MAST4: variants seen among roughly 807,000 people sequenced by gnomAD.
MAST4 encodes microtubule-associated serine/threonine-protein kinase 4.
A neutral mutation model predicts 162.7 loss-of-function variants in MAST4; 89 were observed. The observed-to-expected ratio is 0.55, with a 90% confidence interval of 0.46 to 0.65. MAST4 has a LOEUF of 0.65. MAST4 is among the 30% of genes least tolerant of loss of function. MAST4 has a pLI of 0.00. For missense variants in MAST4, 3,153 were observed against 3,374.0 expected, an observed-to-expected ratio of 0.93 and a Z score of 1.62; for synonymous variants, 1,479 against 1,361.1, an observed-to-expected ratio of 1.09 and a Z score of -1.91.
rs181026545 is a variant in MAST4, at chr5:66,899,280, G to A, written c.643-671G>A. Among the ~76,000 whole-genome samples, 96 of 152,220 alleles carry A rather than the reference G, an allele frequency of 6.3e-4. 2 individuals carry two copies. The East Asian group carries it at 0.016, about 25-fold the overall frequency. ...CCACAGCCTCTTGATGATTAGGTAG[G>A]TAAGAATCTTAAAATTGAGATAAGT... On this transcript the variant is annotated intron_variant, in intron 3 of 28. Coordinates refer to ENST00000403625, the MANE Select transcript of MAST4 (RefSeq NM_001164664.2).
At chr5:66,932,742 C>T (rs1342080445) in intron 4 of MAST4, among the ~76,000 whole-genome samples, 4 of 152,166 alleles carry the variant, frequency 2.6e-5, no homozygotes. Context: ...TTGACATCTA[C>T]TTAAGCTATG....
chr5:66,938,681 T>A (rs376420644), intron 4 of MAST4, among the ~76,000 whole-genome samples: 7 of 152,324 alleles, frequency 4.6e-5, no homozygotes, highest in African/African-American at 1.7e-4. Flanking sequence ...ATTCTCTATC[T>A]GCCTATATGA....
chr5:66,651,192 G>T (rs533774259), intron 1 of MAST4, among the ~76,000 whole-genome samples: 28 of 147,756 alleles, frequency 1.9e-4, no homozygotes, highest in African/African-American at 6.5e-4. Context: ...TTTTTTTTTT[G>T]AAAAAAGTAC....
chr5:66,837,894 A>ATTTTTT (rs754095073), intron 3 of MAST4, among the ~76,000 whole-genome samples: 4 of 53,706 alleles, frequency 7.4e-5, no homozygotes, highest in East Asian at 8.0e-4. Context: ...ATATATATAT[A>ATTTTTT]TTTTTTTTTT....
chr5:67,078,930 A>AT (rs1451010288), intron 5 of MAST4, among the ~76,000 whole-genome samples: 1 of 63,134 alleles, frequency 1.6e-5, no homozygotes, highest in Non-Finnish European at 2.8e-5. Context: ...ATATATATAT[A>AT]TATATATATA....
chr5:67,004,267 G>A (rs1468722723), intron 4 of MAST4, among the ~76,000 whole-genome samples: 1 of 152,096 alleles, frequency 6.6e-6, no homozygotes, highest in Non-Finnish European at 1.5e-5. Flanking sequence ...GGCTGGTGGG[G>A]GGTGGGGGAT....
At chr5:66,924,533 A>C (rs1311454241) in intron 4 of MAST4, among the ~76,000 whole-genome samples, 1 of 151,820 alleles carries the variant, frequency 6.6e-6, no homozygotes, top group East Asian at 1.9e-4. Context: ...AGCTGGGACT[A>C]TAGGCGTCCG....
At chr5:66,949,406 T>G (rs1744406687) in intron 4 of MAST4, among the ~76,000 whole-genome samples, 1 of 152,172 alleles carries the variant, frequency 6.6e-6, no homozygotes, top group Non-Finnish European at 1.5e-5. Flanking sequence ...TCTCGTGAGA[T>G]CTGATGGTTT....
At chr5:66,895,799 G>A (rs1437057984) in intron 3 of MAST4, among the ~76,000 whole-genome samples, 3 of 152,068 alleles carry the variant, frequency 2.0e-5, no homozygotes, top group Admixed American at 6.6e-5. Flanking sequence ...CCCCACATCA[G>A]TCTTCCCTTC....
chr5:66,853,284 C>A (rs1759446355), intron 3 of MAST4, among the ~76,000 whole-genome samples: 1 of 152,122 alleles, frequency 6.6e-6, no homozygotes, highest in Admixed American at 6.5e-5. Context: ...TTAATAGGTC[C>A]CGTGTGTGTG....
chr5:67,166,988 T>A lies in MAST4; in HGVS notation c.7809T>A (p.Phe2603Leu). Residue 2603 changes from phenylalanine (F) to leucine (L), a missense_variant, in exon 29 of 29, where the codon TTT becomes TTA. Physicochemically the swap from Phe to Leu is conservative, Grantham distance 22 (BLOSUM62 0). Around this residue, in one of 7 missense-constraint regions of MAST4, gnomAD observed 1,644 missense variants for 1,495.0 expected, o/e 1.10. Transcript: ENST00000403625. Reference sequence around the variant, plus strand: ...TCTCTCTTTCTAATGAGAAGGACTTTGTGGTACGGCAGAGGCGGGGGAAAG... The same window carrying A: ...TCTCTCTTTCTAATGAGAAGGACTTAGTGGTACGGCAGAGGCGGGGGAAAG... ...RPISLSNEKD[F>L]VVRQRRGKES... The A allele has an allele frequency of 6.2e-7, 1 of 1,611,572 alleles. No homozygotes were observed. Among genetic ancestry groups the A allele is most frequent in the African/African-American group, 1.3e-5 (1 of 74,928 alleles).
chr5:66,914,705 A>T (rs1763991444), intron 4 of MAST4, among the ~76,000 whole-genome samples: 1 of 152,136 alleles, frequency 6.6e-6, no homozygotes, highest in South Asian at 2.1e-4. Context: ...TCAGTTATAC[A>T]CTTGAACTGA....
intron 10 of MAST4, among the ~76,000 whole-genome samples, chr5:67,109,509 A>G (rs991531422): frequency 6.6e-6 from 1 of 152,192 alleles, no homozygotes; most frequent in Non-Finnish European, 1.5e-5. Context: ...AAAATCCAAA[A>G]GACTTGTGGT....
intron 4 of MAST4, among the ~76,000 whole-genome samples, chr5:67,050,791 C>T (rs967958681): frequency 1.3e-5 from 2 of 152,160 alleles, no homozygotes; most frequent in Admixed American, 1.3e-4. Flanking sequence ...AGAGAACAAA[C>T]TGTGCAACTC....
chr5:66,847,620 G>A (rs890011435), intron 3 of MAST4, among the ~76,000 whole-genome samples: 3 of 151,528 alleles, frequency 2.0e-5, no homozygotes, highest in African/African-American at 7.3e-5. Context: ...GGGTGACAGA[G>A]CGAGACTCCA....
intron 4 of MAST4, among the ~76,000 whole-genome samples, chr5:66,936,449 G>T (rs906235869): frequency 6.6e-6 from 1 of 152,184 alleles, no homozygotes; most frequent in Admixed American, 6.5e-5. Context: ...GGCTAAGTCC[G>T]AAAAGAGAGT....
At chr5:66,772,857 T>C (rs372698919) in intron 2 of MAST4, among the ~76,000 whole-genome samples, 5 of 152,276 alleles carry the variant, frequency 3.3e-5, no homozygotes, top group African/African-American at 1.2e-4. Context: ...TAGTAAATAA[T>C]TTTAGCTACC....
intron 1 of MAST4, among the ~76,000 whole-genome samples, chr5:66,745,594 A>G (rs893455434): frequency 4.6e-5 from 7 of 152,220 alleles, no homozygotes; most frequent in African/African-American, 1.4e-4. Context: ...AGTAAATGCA[A>G]TTGAAGGCAT....
At chr5:66,751,001 C>T (rs1276986794) in intron 1 of MAST4, among the ~76,000 whole-genome samples, 5 of 152,178 alleles carry the variant, frequency 3.3e-5, no homozygotes, top group Non-Finnish European at 7.4e-5. Context: ...GACCCCCAAG[C>T]AGCCTAACTG....
Sources: gnomAD v4.1 joint callset for allele counts (sites outside exome capture counted in the v4.1 genomes callset) on GRCh38, gnomAD v4.1.1 for gene constraint, gnomAD v4.1.1 regional missense constraint, MANE v1.5 for transcripts, NCBI Gene and HGNC (gene_info 2026-07-23, HGNC 2026-07-21) for gene names.